Variants in KIF6 observed in about 807,000 individuals in gnomAD.
KIF6 encodes the protein kinesin family member 6.
Under a neutral mutation model 112.7 loss-of-function variants are expected in KIF6, and 106 were observed. That is an observed-to-expected ratio of 0.94 (90% confidence interval 0.80 to 1.11). KIF6 has a LOEUF of 1.11. Among genes scored for constraint, KIF6 ranks in the 50% least tolerant of loss-of-function variants. The pLI, the probability that KIF6 is intolerant of heterozygous loss-of-function variation, is 0.00. For synonymous variants in KIF6, 339 were observed against 339.9 expected (o/e 1.00, Z 0.03); for missense variants, 929 against 964.0 (o/e 0.96, Z 0.48).
At chr6:39,575,967 G>A (rs1168939839) in intron 10 of KIF6, among the ~76,000 whole-genome samples, 1 of 152,120 alleles carries the variant, frequency 6.6e-6, no homozygotes, top group Non-Finnish European at 1.5e-5. Flanking sequence ...AGAGATCCAT[G>A]TGTTTATCCC....
intron 7 of KIF6, among the ~76,000 whole-genome samples, chr6:39,588,925 C>G (rs1298516986): frequency 2.6e-5 from 4 of 152,186 alleles, no homozygotes; most frequent in African/African-American, 9.7e-5. Context: ...TCTACTTTTG[C>G]CCTTCCACGA....
chr6:39,574,310 C>A (rs1396773390), intron 10 of KIF6, among the ~76,000 whole-genome samples: 1 of 152,114 alleles, frequency 6.6e-6, no homozygotes, highest in Non-Finnish European at 1.5e-5. Context: ...TACTTTACTG[C>A]ATTTTTCTTT....
intron 10 of KIF6, among the ~76,000 whole-genome samples, chr6:39,571,431 C>T (rs4714261): frequency 0.25 from 37,939 of 152,052 alleles, 5,830 homozygotes; most frequent in African/African-American, 0.41. Flanking sequence ...AAAGCTGCAA[C>T]TCCTGTTTTA....
intron 3 of KIF6, among the ~76,000 whole-genome samples, chr6:39,711,071 A>T (rs1789521149): frequency 6.7e-6 from 1 of 150,358 alleles, no homozygotes; most frequent in Non-Finnish European, 1.5e-5. Flanking sequence ...AATAAATAAA[A>T]ATGAGATCAC....
At position 39,594,486 on chromosome 6, in the gene KIF6, G is replaced by C. The variant is rs1420602202; in HGVS notation, c.846+1568C>G. Among the ~76,000 whole-genome samples, 8 of 152,336 alleles carry C rather than the reference G, an allele frequency of 5.3e-5. No individual in the cohort carries two copies. In the East Asian group the frequency reaches 1.5e-3, roughly 29 times the overall value. ...TAGTGTGTAATATTTGAGCAGGAAA[G>C]AGCTTAGGAATGCTGACTCTTGTTA... On this transcript the variant is annotated intron_variant, in intron 7 of 22. Transcript: ENST00000287152.
intron 21 of KIF6, among the ~76,000 whole-genome samples, chr6:39,344,641 C>T (rs922016164): frequency 6.6e-6 from 1 of 152,118 alleles, no homozygotes; most frequent in African/African-American, 2.4e-5. Context: ...CTTACCACCA[C>T]CACTCTTGTC....
intron 9 of KIF6, among the ~76,000 whole-genome samples, chr6:39,584,633 T>C (rs1781514024): frequency 1.3e-5 from 2 of 151,900 alleles, no homozygotes; most frequent in South Asian, 4.1e-4. Context: ...TTGAGTTAGA[T>C]TGCCTGCGTG....
intron 3 of KIF6, among the ~76,000 whole-genome samples, chr6:39,671,296 A>G (rs556215496): frequency 1.3e-5 from 2 of 152,336 alleles, no homozygotes; most frequent in South Asian, 2.1e-4. Flanking sequence ...TCCCATTTTT[A>G]GCTGCCTCAA....
At chr6:39,480,350 A>G (rs1006745692) in intron 13 of KIF6, among the ~76,000 whole-genome samples, 1 of 152,144 alleles carries the variant, frequency 6.6e-6, no homozygotes, top group African/African-American at 2.4e-5. Context: ...ATGGCGTATC[A>G]TATTTATTGA....
chr6:39,576,601 T>C (rs1780987586), intron 10 of KIF6, among the ~76,000 whole-genome samples: 1 of 152,164 alleles, frequency 6.6e-6, no homozygotes, highest in African/African-American at 2.4e-5. Context: ...CTGGACAGTG[T>C]CTCGACTAGC....
At chr6:39,506,278 G>A (rs1391695383) in intron 13 of KIF6, among the ~76,000 whole-genome samples, 6 of 152,120 alleles carry the variant, frequency 3.9e-5, no homozygotes, top group Non-Finnish European at 4.4e-5. Flanking sequence ...CTCATGTTCT[G>A]ACTTACACTT....
chr6:39,719,524 A>G (rs1460668636), intron 2 of KIF6, among the ~76,000 whole-genome samples: 3 of 152,178 alleles, frequency 2.0e-5, no homozygotes, highest in Non-Finnish European at 4.4e-5. Flanking sequence ...GCCAGAGATC[A>G]AAGACGGATT....
chr6:39,478,700 A>ATTT (rs796482220), intron 13 of KIF6, among the ~76,000 whole-genome samples: 3 of 106,152 alleles, frequency 2.8e-5, no homozygotes, highest in Admixed American at 1.8e-4. Flanking sequence ...GACAACATCT[A>ATTT]TTTTTTTTTT....
intron 22 of KIF6, among the ~76,000 whole-genome samples, chr6:39,337,404 C>T (rs1251571804): frequency 2.6e-5 from 4 of 151,290 alleles, no homozygotes; most frequent in South Asian, 2.1e-4. Context: ...CCTCTGCCTC[C>T]GGGGTTCAAG....
intron 10 of KIF6, among the ~76,000 whole-genome samples, chr6:39,573,759 AT>A (rs1476900336): frequency 1.3e-5 from 2 of 152,202 alleles, no homozygotes; most frequent in African/African-American, 4.8e-5. Context: ...ATATCTCTGC[AT>A]TCTCGTTGTA....
intron 3 of KIF6, among the ~76,000 whole-genome samples, chr6:39,666,453 A>G (rs1326850621): frequency 6.6e-6 from 1 of 152,186 alleles, no homozygotes; most frequent in Non-Finnish European, 1.5e-5. Flanking sequence ...AATAGTGGGG[A>G]CAGCTTTGAA....
intron 2 of KIF6, among the ~76,000 whole-genome samples, chr6:39,719,346 A>AG (rs1343124439): frequency 4.5e-5 from 2 of 44,250 alleles, no homozygotes; most frequent in African/African-American, 1.0e-4. Flanking sequence ...TTAAAAAGAA[A>AG]AAGAGAGAGA....
intron 13 of KIF6, among the ~76,000 whole-genome samples, chr6:39,455,049 GC>G (rs1362735751): frequency 1.3e-5 from 2 of 149,914 alleles, no homozygotes; most frequent in African/African-American, 4.9e-5. Flanking sequence ...GCCTCTGTAG[GC>G]TCCACCTCTG....
chr6:39,705,298 C>A (rs542509004), intron 3 of KIF6, among the ~76,000 whole-genome samples: 1 of 152,300 alleles, frequency 6.6e-6, no homozygotes, highest in East Asian at 1.9e-4. Flanking sequence ...ATTGATGCTG[C>A]TGGGTTACGG....
Sources: allele counts gnomAD v4.1 joint callset (sites outside exome capture counted in the v4.1 genomes callset), GRCh38; gene constraint gnomAD v4.1.1; transcripts MANE v1.5; gene names NCBI Gene and HGNC (gene_info 2026-07-23, HGNC 2026-07-21).